The following WFDC2 variants were observed in gnomAD, a reference collection of about 807,000 sequenced individuals.
The protein encoded by WFDC2 is WAP four-disulfide core domain protein 2.
In WFDC2, 8 loss-of-function variants were observed where a neutral mutation model predicts 12.5. That is an observed-to-expected ratio of 0.64 (90% confidence interval 0.37 to 1.15). The LOEUF (loss-of-function observed/expected upper bound fraction) is 1.15, where lower values mean the gene tolerates loss of function less well. Among genes scored for constraint, WFDC2 ranks in the 50% most tolerant of loss-of-function variants. The probability of loss-of-function intolerance (pLI) is 0.01; values close to 1 mark genes in which losing one functional copy is unlikely to be tolerated. For synonymous variants in WFDC2, 74 were observed against 67.2 expected, an observed-to-expected ratio of 1.10 and a Z score of -0.49; for missense variants, 166 against 159.9, an observed-to-expected ratio of 1.04 and a Z score of -0.21.
chr20:45,469,766 G>C lies in WFDC2; in HGVS notation c.-16G>C. 1 of 1,377,324 alleles carries C rather than the reference G, an allele frequency of 7.3e-7. No individual in the cohort carries two copies. Among genetic ancestry groups the C allele is most frequent in the Non-Finnish European group, 9.7e-7 (1 of 1,033,546 alleles). 85.3% of individuals were successfully genotyped at this position (1,377,324 alleles called of 1,614,324 possible). A position where few individuals can be genotyped will look rare whatever the true frequency, so the allele number is the denominator to read the frequency against. ...GAGCATCGGCTCACACCTGCACCCC[G>C]CCCGGGCATAGCACCATGCCTGCTT... On this transcript the variant is annotated 5_prime_UTR_variant, in exon 1 of 4. Transcript: ENST00000372676.
At position 45,479,868 on chromosome 20, in the gene WFDC2, G is replaced by A. The variant is rs757652293; in HGVS notation, c.224-74G>A. On this transcript the variant is annotated intron_variant, in intron 2 of 3. Transcript: ENST00000372676. ...GAAGCCCAGTGAGGGGCAGTGGGGG[G>A]GCCATGCTGCAGGTACAAGTTAATC... is the stretch of plus-strand genomic sequence containing the variant. 3.0e-5 allele frequency: 48 copies of A among 1,613,930 alleles called. No individual in the cohort carries two copies. In the East Asian group the frequency reaches 1.0e-3, roughly 34 times the overall value.
chr20:45,474,177 T>A (rs1228869075), intron 2 of WFDC2, among the ~76,000 whole-genome samples: 3 of 152,198 alleles, frequency 2.0e-5, no homozygotes, highest in Admixed American at 6.5e-5. Flanking sequence ...TATTTCTTTC[T>A]CTTGACTGAT....
chr20:45,474,477 G>A (rs540215146), intron 2 of WFDC2, among the ~76,000 whole-genome samples: 46 of 152,246 alleles, frequency 3.0e-4, no homozygotes, highest in African/African-American at 9.6e-4. Flanking sequence ...GATGGATTAC[G>A]TTTATTGATT....
In WFDC2 at chr20:45,480,635, A is replaced by G. The variant is rs1991291136; in HGVS notation, c.*1+541A>G. Among the ~76,000 whole-genome samples, 4 of 151,990 alleles carry G rather than the reference A, an allele frequency of 2.6e-5. No homozygotes were observed. In the South Asian group the frequency reaches 8.3e-4, roughly 32 times the overall value. ...TCCATCTCAAATTAAAAACAAACAA[A>G]CAAAAAACAGCTTGGTGGTACCCTT... On this transcript the variant is annotated intron_variant, in intron 3 of 3. Transcript: ENST00000372676.
At position 45,470,553 on chromosome 20, in the gene WFDC2, C is replaced by T. The variant is rs1425399356; in HGVS notation, c.223+21C>T. On this transcript the variant is annotated intron_variant, in intron 2 of 3. Transcript: ENST00000372676. The surrounding 1 kb of genome is among the most constrained non-coding windows in gnomAD (Gnocchi z 5.4). Reference sequence around the variant, plus strand: ...CAATGGTAACCCCACGGCGGCCGAGCGGGAACGGGGCGGGGCCGCGCTGGG... The same window carrying T: ...CAATGGTAACCCCACGGCGGCCGAGTGGGAACGGGGCGGGGCCGCGCTGGG... 4 of 1,575,968 alleles carry T rather than the reference C, an allele frequency of 2.5e-6. No homozygotes were observed. Among genetic ancestry groups the T allele is most frequent in the Admixed American group, 1.8e-5 (1 of 56,140 alleles).
rs1212423299 is a variant in WFDC2, at chr20:45,470,244, A to G, written c.80-145A>G. 30 of 1,203,468 alleles carry G rather than the reference A, an allele frequency of 2.5e-5. No individual in the cohort carries two copies. The highest frequency in any genetic ancestry group is 3.3e-5 in the Non-Finnish European group (29 of 888,544). The allele number at this position is 1,203,468 out of a possible 1,614,324, so 74.5% of individuals were successfully genotyped here. On this transcript the variant is annotated intron_variant, in intron 1 of 3. Coordinates refer to ENST00000372676, the MANE Select transcript of WFDC2 (RefSeq NM_006103.4). The surrounding 1 kb of genome is among the most constrained non-coding windows in gnomAD (Gnocchi z 5.4). ...CAGGGGTCAGGGACTCCTGGTCTGGAAGAAGGAGTCTCTGGGGGCTGTAAG... is the reference window on the plus strand; with the variant it reads ...CAGGGGTCAGGGACTCCTGGTCTGGGAGAAGGAGTCTCTGGGGGCTGTAAG...
chr20:45,479,926 T>A lies in WFDC2; in HGVS notation c.224-16T>A. 1 of 1,614,206 alleles carries A rather than the reference T, an allele frequency of 6.2e-7. No homozygotes were observed. Among genetic ancestry groups the A allele is most frequent in the Non-Finnish European group, 8.5e-7 (1 of 1,180,032 alleles). On this transcript the variant is annotated splice_polypyrimidine_tract_variant and intron_variant, in intron 2 of 3. Coordinates refer to ENST00000372676, the MANE Select transcript of WFDC2 (RefSeq NM_006103.4). ...ATCGCCTCTGCCCACTTACCCTTAC[T>A]CCTTTTTCTACCCAGATAAGGAGGG...
At position 45,477,451 on chromosome 20, in the gene WFDC2, G is replaced by A. The variant is rs142253126; in HGVS notation, c.224-2491G>A. 2.8e-3 allele frequency among the ~76,000 whole-genome samples: 428 copies of A among 152,250 alleles called. 7 individuals are homozygous for A. In the East Asian group the frequency reaches 0.05, roughly 18 times the overall value. On this transcript the variant is annotated intron_variant, in intron 2 of 3. Transcript: ENST00000372676. ...GCCCCTCAGCTGCAGGTCTGTTGGCGTTTGCTGGAGGTCCACTCCAGACCC... is the reference window on the plus strand; with the variant it reads ...GCCCCTCAGCTGCAGGTCTGTTGGCATTTGCTGGAGGTCCACTCCAGACCC...
At chr20:45,478,128 A>T (rs1991256704) in intron 2 of WFDC2, among the ~76,000 whole-genome samples, 2 of 151,968 alleles carry the variant, frequency 1.3e-5, no homozygotes, top group African/African-American at 4.8e-5. Context: ...GAGCTAGACC[A>T]CTTGTCTCCC....
chr20:45,474,883 G>A (rs940103833), intron 2 of WFDC2, among the ~76,000 whole-genome samples: 12 of 152,088 alleles, frequency 7.9e-5, no homozygotes, highest in African/African-American at 2.4e-4. Context: ...TCAGGGATTC[G>A]ACTTCTTCCT....
At chr20:45,469,893 A>T (rs764838282) in intron 1 of WFDC2, 33 bp downstream of exon 1, 5 of 1,567,558 alleles carry the variant, frequency 3.2e-6, no homozygotes. Context: ...CGGCGCCTAG[A>T]GGGGCCGAGC....
chr20:45,473,478 A>C (rs1991197551), intron 2 of WFDC2, among the ~76,000 whole-genome samples: 1 of 152,208 alleles, frequency 6.6e-6, no homozygotes, highest in African/African-American at 2.4e-5. Flanking sequence ...TGTTTGTCAA[A>C]GATCAGGTGG....
At chr20:45,473,693 A>G (rs983005459) in intron 2 of WFDC2, among the ~76,000 whole-genome samples, 27 of 152,300 alleles carry the variant, frequency 1.8e-4, no homozygotes, top group Admixed American at 2.6e-4. Context: ...TATGAAATTT[A>G]AAGTCGTTTT....
intron 2 of WFDC2, 94 bp from the exon 3 acceptor site, chr20:45,479,848 C>T (rs1472699332): frequency 6.2e-7 from 1 of 1,613,890 alleles, no homozygotes; most frequent in South Asian, 1.1e-5. Context: ...TATGTGAAGC[C>T]CAGTGAGGGG....
At position 45,480,088 on chromosome 20, in the gene WFDC2, T is replaced by G. The variant is rs773817112; in HGVS notation, c.370T>G (p.Phe124Val). 6.2e-7 allele frequency: 1 copy of G among 1,613,766 alleles called. No individual in the cohort carries two copies. The highest frequency in any genetic ancestry group is 8.5e-7 in the Non-Finnish European group (1 of 1,179,722). ...GAAGGTGTCCTGTGTCACTCCCAAT[T>G]TCTGAGGTAAGTGAACGGGAAAGAG... ...CGKVSCVTPN[F>V] Residue 124 changes from phenylalanine to valine, a missense_variant, in exon 3 of 4, where the codon TTC (phenylalanine) becomes GTC (valine). Physicochemically the swap from Phe to Val is conservative, Grantham distance 50 (BLOSUM62 -1). Coordinates refer to ENST00000372676, the MANE Select transcript of WFDC2 (RefSeq NM_006103.4).
rs1991155510 is a variant in WFDC2 at position 45,470,510 on chromosome 20, C to G, written c.201C>G (p.Ala67=). ...DNLKCCSAGC[A]TFCSLPNDKE... ...TCAAGTGCTGCAGCGCGGGCTGTGC[C>G]ACCTTCTGCTCTCTGCCCAATGGTA... Residue 67 remains alanine, a synonymous_variant, in exon 2 of 4, where the codon GCC becomes GCG. Coordinates refer to ENST00000372676, the MANE Select transcript of WFDC2 (RefSeq NM_006103.4). The surrounding 1 kb of genome is among the most constrained non-coding windows in gnomAD (Gnocchi z 5.4). 7 of 1,598,994 alleles carry G rather than the reference C, an allele frequency of 4.4e-6. No homozygotes were observed. Among genetic ancestry groups the G allele is most frequent in the Non-Finnish European group, 6.0e-6 (7 of 1,172,568 alleles).
intron 2 of WFDC2, among the ~76,000 whole-genome samples, chr20:45,476,138 T>C (rs1991230326): frequency 6.6e-6 from 1 of 152,210 alleles, no homozygotes; most frequent in Admixed American, 6.5e-5. Context: ...AATTTGCCAG[T>C]CTTTGTCTTT....
At chr20:45,479,841 G>A (rs1375743022) in intron 2 of WFDC2, 101 bp from the exon 3 acceptor site, 3 of 1,613,904 alleles carry the variant, frequency 1.9e-6, no homozygotes, top group Non-Finnish European at 2.5e-6. Context: ...TCTGCTGTAT[G>A]TGAAGCCCAG....
intron 2 of WFDC2, among the ~76,000 whole-genome samples, chr20:45,478,378 G>C (rs185980252): frequency 2.1e-4 from 32 of 152,062 alleles, no homozygotes; most frequent in Non-Finnish European, 4.1e-4. Flanking sequence ...TATTCCTCAC[G>C]GCACAGTCCC....
Sources: allele counts gnomAD v4.1 joint callset (sites outside exome capture counted in the v4.1 genomes callset), GRCh38; gene constraint gnomAD v4.1.1; non-coding constraint Gnocchi (gnomAD v3.1); transcripts MANE v1.5; gene names NCBI Gene and HGNC (gene_info 2026-07-23, HGNC 2026-07-21).